Variants in CNGB1 observed in about 807,000 individuals in gnomAD.
The protein encoded by CNGB1 is cyclic nucleotide gated channel subunit beta 1.
In CNGB1, 126 loss-of-function variants were observed where a neutral mutation model predicts 151.7. That is an observed-to-expected ratio of 0.83 (90% CI 0.72 to 0.96). The LOEUF is 0.96. CNGB1 is among the 40% of genes least tolerant of loss of function. CNGB1 has a pLI of 0.00. For synonymous variants in CNGB1, 623 were observed against 635.1 expected (o/e 0.98, Z 0.29); for missense variants, 1,698 against 1,627.0 (o/e 1.04, Z -0.75).
At chr16:57,955,412 C>A (rs536701843) in intron 12 of CNGB1, 3 of 1,474,786 alleles carry the variant, frequency 2.0e-6, no homozygotes, top group Admixed American at 2.0e-5. Context: ...GGTGGACAGG[C>A]GGAGGGAATG....
intron 31 of CNGB1, among the ~76,000 whole-genome samples, chr16:57,888,825 G>A (rs1252884420): frequency 6.6e-6 from 1 of 152,184 alleles, no homozygotes; most frequent in Non-Finnish European, 1.5e-5. Flanking sequence ...TTGGGAATAA[G>A]ATGCCCAGGT....
chr16:57,948,129 A>G (rs955175970), intron 14 of CNGB1, among the ~76,000 whole-genome samples: 1 of 152,044 alleles, frequency 6.6e-6, no homozygotes, highest in South Asian at 2.1e-4. Flanking sequence ...AGAGTAACTT[A>G]CTGTCACCTG....
At chr16:57,913,985 T>C (rs1960798845) in intron 23 of CNGB1, among the ~76,000 whole-genome samples, 1 of 152,184 alleles carries the variant, frequency 6.6e-6, no homozygotes, top group South Asian at 2.1e-4. Context: ...CTCTAGATCT[T>C]TGGATTTATT....
intron 29 of CNGB1, among the ~76,000 whole-genome samples, chr16:57,901,140 G>A (rs1216076341): frequency 1.3e-5 from 2 of 152,182 alleles, no homozygotes; most frequent in African/African-American, 4.8e-5. Context: ...CGAGGCACAT[G>A]TGTGTTGACT....
At chr16:57,920,297 T>A in intron 19 of CNGB1, 90 bp downstream of exon 19, 1 of 1,485,308 alleles carries the variant, frequency 6.7e-7, no homozygotes, top group African/African-American at 1.4e-5. Context: ...AACCATTTCC[T>A]TGGGGCCACC....
chr16:57,887,818 G>T (rs1481013568), intron 32 of CNGB1, 37 bp downstream of exon 32: 1 of 1,601,624 alleles, frequency 6.2e-7, no homozygotes, highest in Admixed American at 1.7e-5. Flanking sequence ...GACACATATT[G>T]AAATGAACGT....
At chr16:57,905,988 G>A (rs2149359664) in intron 25 of CNGB1, among the ~76,000 whole-genome samples, 1 of 152,360 alleles carries the variant, frequency 6.6e-6, no homozygotes, top group East Asian at 1.9e-4. Flanking sequence ...AGAGCAGCAA[G>A]GGTCCCTCTG....
intron 19 of CNGB1, among the ~76,000 whole-genome samples, chr16:57,919,681 T>C (rs1248755316): frequency 6.6e-6 from 1 of 152,192 alleles, no homozygotes; most frequent in African/African-American, 2.4e-5. Flanking sequence ...AAGGAAGTAT[T>C]GCTCCAGGTT....
At position 57,883,801 on chromosome 16, in the gene CNGB1, A is replaced by T; in HGVS notation, c.*363T>A. The T allele has an allele frequency of 5.5e-6, 2 of 363,448 alleles. No homozygotes were observed. The highest frequency in any genetic ancestry group is 6.6e-5 in the East Asian group (1 of 15,204). 22.5% of individuals were successfully genotyped at this position (363,448 alleles called of 1,614,324 possible). A position where few individuals can be genotyped will look rare whatever the true frequency, so the allele number is the denominator to read the frequency against. Reference sequence around the variant, plus strand: ...ACATTCAATAACACTTTACTTTTTCAGCAAAGCTTCCCATGTATTGGAGCC... The same window carrying T: ...ACATTCAATAACACTTTACTTTTTCTGCAAAGCTTCCCATGTATTGGAGCC... On this transcript the variant is annotated 3_prime_UTR_variant, in exon 33 of 33. Coordinates refer to ENST00000251102, the MANE Select transcript of CNGB1 (RefSeq NM_001297.5).
chr16:57,916,304 G>C, intron 21 of CNGB1, 125 bp from the exon 22 acceptor site: 2 of 941,180 alleles, frequency 2.1e-6, no homozygotes, highest in Non-Finnish European at 3.4e-6. Context: ...AGGACCATCT[G>C]AGCCTTGGTG....
intron 5 of CNGB1, 33 bp downstream of exon 5, chr16:57,962,941 C>A (rs1293459932): frequency 6.2e-7 from 1 of 1,612,404 alleles, no homozygotes; most frequent in Non-Finnish European, 8.5e-7. Context: ...CCCTCTCCAA[C>A]CCGGCCCCTT....
In CNGB1 at chr16:57,939,509, C is replaced by A; in HGVS notation, c.1293G>T (p.Glu431Asp). 6.2e-7 allele frequency: 1 copy of A among 1,614,020 alleles called. No individual in the cohort carries two copies. The highest frequency in any genetic ancestry group is 8.5e-7 in the Non-Finnish European group (1 of 1,179,938). Reference sequence around the variant, plus strand: ...AGTCCTGGGGCTCCTTTTCAGCCTCCTCTTCAGCCACCTCCTCGGCCTCCT... The same window carrying A: ...AGTCCTGGGGCTCCTTTTCAGCCTCATCTTCAGCCACCTCCTCGGCCTCCT... ...AKEEAEEVAE[E>D]EAEKEPQDWA... The change falls in exon 16 of 33, where the codon GAG becomes GAT. Residue 431 changes from glutamate to aspartate, a missense_variant. Physicochemically the swap from Glu to Asp is conservative, Grantham distance 45. Transcript: ENST00000251102.
chr16:57,944,959 A>G (rs1349597901), intron 14 of CNGB1, among the ~76,000 whole-genome samples: 3 of 112,748 alleles, frequency 2.7e-5, no homozygotes, highest in Non-Finnish European at 4.5e-5. Context: ...TTTAAAAAAA[A>G]AAAAAAAAAA....
At chr16:57,940,150 T>C (rs2149376471) in intron 15 of CNGB1, 84 bp downstream of exon 15, 1 of 1,358,944 alleles carries the variant, frequency 7.4e-7, no homozygotes, top group Non-Finnish European at 1.0e-6. Flanking sequence ...AAACTCCCCC[T>C]GTAAGCAAAG....
intron 31 of CNGB1, 148 bp from the exon 32 acceptor site, chr16:57,888,222 T>G: frequency 3.8e-6 from 3 of 792,000 alleles, no homozygotes; most frequent in Non-Finnish European, 6.4e-6. Flanking sequence ...CCAAGCGTCG[T>G]GTTAAGTACT....
intron 14 of CNGB1, among the ~76,000 whole-genome samples, chr16:57,944,737 T>C (rs112357433): frequency 0.035 from 5,346 of 151,838 alleles, 302 homozygotes; most frequent in African/African-American, 0.12. Flanking sequence ...GGCGGATCAC[T>C]TGAGGTCAGA....
chr16:57,965,314 TATGC>T (rs1357891091), intron 2 of CNGB1, among the ~76,000 whole-genome samples: 1 of 152,172 alleles, frequency 6.6e-6, no homozygotes, highest in African/African-American at 2.4e-5. Flanking sequence ...TGTATGTACA[TATGC>T]ATGCATGCCC....
intron 18 of CNGB1, 133 bp downstream of exon 18, chr16:57,923,140 G>A (rs1280281296): frequency 1.3e-5 from 8 of 633,282 alleles, no homozygotes; most frequent in East Asian, 3.0e-5. Context: ...GACCGATCCC[G>A]ACTTACTGCT....
intron 1 of CNGB1, among the ~76,000 whole-genome samples, chr16:57,967,600 G>A (rs1380411041): frequency 1.3e-5 from 2 of 152,136 alleles, no homozygotes; most frequent in Admixed American, 6.5e-5. Context: ...GGAGGCTGAG[G>A]TGGGAGGATC....
Sources: gnomAD v4.1 joint callset for allele counts (sites outside exome capture counted in the v4.1 genomes callset) on GRCh38, gnomAD v4.1.1 for gene constraint, MANE v1.5 for transcripts, NCBI Gene and HGNC (gene_info 2026-07-23, HGNC 2026-07-21) for gene names.